The following SCAPER variants were observed in gnomAD, a reference collection of about 807,000 sequenced individuals.
SCAPER encodes the protein S-phase cyclin A associated protein in the ER.
SCAPER carries 98 observed loss-of-function variants against 182.2 expected under a neutral mutation model. The observed-to-expected ratio is 0.54, with a 90% confidence interval of 0.46 to 0.64. The LOEUF (loss-of-function observed/expected upper bound fraction) is 0.64. Among genes scored for constraint, SCAPER ranks in the 30% least tolerant of loss-of-function variants. The probability of loss-of-function intolerance (pLI) is 0.00; values close to 1 mark genes in which losing one functional copy is unlikely to be tolerated. For missense variants in SCAPER, 1,432 were observed against 1,690.0 expected, an observed-to-expected ratio of 0.85 and a Z score of 2.68; for synonymous variants, 605 against 564.6, an observed-to-expected ratio of 1.07 and a Z score of -1.01.
chr15:76,610,543 CA>C (rs1438462740), intron 22 of SCAPER, among the ~76,000 whole-genome samples: 1 of 151,944 alleles, frequency 6.6e-6, no homozygotes. Flanking sequence ...AAAGATTCTA[CA>C]AAAAAATCCT....
intron 17 of SCAPER, among the ~76,000 whole-genome samples, chr15:76,727,365 G>GCTTTGATAA (rs1325721141): frequency 6.6e-6 from 1 of 152,004 alleles, no homozygotes; most frequent in Admixed American, 6.6e-5. Flanking sequence ...TTATTATAAA[G>GCTTTGATAA]CTTTGATAAC....
chr15:76,386,180 C>T (rs1342832588), intron 27 of SCAPER, among the ~76,000 whole-genome samples: 2 of 152,216 alleles, frequency 1.3e-5, no homozygotes, highest in Non-Finnish European at 2.9e-5. Context: ...CTTGTAATTA[C>T]ATTGTGATTA....
chr15:76,727,591 A>C lies in SCAPER; in HGVS notation c.2165+1004T>G, dbSNP rs187617176. ...CTAAATACACAATAAAACCAATTGC[A>C]GATAGATAAAGACTATAAAAGATAA... On this transcript the variant is annotated intron_variant, in intron 17 of 31. Coordinates refer to ENST00000563290, the MANE Select transcript of SCAPER (RefSeq NM_020843.4). Among the ~76,000 whole-genome samples the C allele has an allele frequency of 4.5e-4, 68 of 152,274 alleles. No individual in the cohort carries two copies. In the East Asian group the frequency reaches 0.013, roughly 29 times the overall value.
At chr15:76,532,864 G>C (rs1382392480) in intron 23 of SCAPER, among the ~76,000 whole-genome samples, 1 of 152,128 alleles carries the variant, frequency 6.6e-6, no homozygotes, top group East Asian at 1.9e-4. Flanking sequence ...GAGAGTAACA[G>C]CAAGGGAGGG....
chr15:76,904,784 G>A (rs1044098384), intron 1 of SCAPER: 1 of 152,238 alleles, frequency 6.6e-6, no homozygotes, highest in South Asian at 2.1e-4. Context: ...CCCGTTTCCT[G>A]GGCAGAGCTA....
At chr15:76,704,119 A>T (rs2059115749) in intron 18 of SCAPER, among the ~76,000 whole-genome samples, 1 of 152,250 alleles carries the variant, frequency 6.6e-6, no homozygotes, top group Admixed American at 6.5e-5. Flanking sequence ...GAAGCAAATT[A>T]TAAGAAACAT....
In SCAPER at chr15:76,767,096, G is replaced by A. The variant is rs1409978636; in HGVS notation, c.1249-8C>T. The A allele has an allele frequency of 6.4e-7, 1 of 1,559,284 alleles. No homozygotes were observed. The highest frequency in any genetic ancestry group is 8.7e-7 in the Non-Finnish European group (1 of 1,155,222). On this transcript the variant is annotated splice_polypyrimidine_tract_variant and splice_region_variant and intron_variant, in intron 10 of 31. Coordinates refer to ENST00000563290, the MANE Select transcript of SCAPER (RefSeq NM_020843.4). ...AAGGACTTCTGCCATGGACTATAAA[G>A]TTAAAAACACATAAACAAAAAGAAA...
At chr15:76,851,145 T>G (rs770953333) in intron 4 of SCAPER, among the ~76,000 whole-genome samples, 1 of 151,176 alleles carries the variant, frequency 6.6e-6, no homozygotes, top group Non-Finnish European at 1.5e-5. Context: ...CTGACAAAAA[T>G]AAAGAAAAAG....
At chr15:76,860,987 C>T (rs1024658054) in intron 3 of SCAPER, among the ~76,000 whole-genome samples, 7 of 152,010 alleles carry the variant, frequency 4.6e-5, no homozygotes, top group Non-Finnish European at 1.0e-4. Context: ...CCATTAAATA[C>T]CATAAGAAGC....
At chr15:76,782,123 T>C (rs2064191762) in intron 8 of SCAPER, among the ~76,000 whole-genome samples, 1 of 152,086 alleles carries the variant, frequency 6.6e-6, no homozygotes, top group Admixed American at 6.5e-5. Context: ...CCCATCAGTG[T>C]GCTGTATGCA....
intron 5 of SCAPER, among the ~76,000 whole-genome samples, chr15:76,805,880 C>G (rs1385678151): frequency 6.6e-6 from 1 of 152,062 alleles, no homozygotes; most frequent in African/African-American, 2.4e-5. Flanking sequence ...ATTTGTATAT[C>G]TTAAAAGAAA....
intron 22 of SCAPER, among the ~76,000 whole-genome samples, chr15:76,609,882 T>C (rs2145920321): frequency 6.6e-6 from 1 of 152,302 alleles, no homozygotes; most frequent in African/African-American, 2.4e-5. Flanking sequence ...ACTTCTTTTT[T>C]TTTCCCCCTT....
At chr15:76,652,272 A>T (rs1295720764) in intron 21 of SCAPER, among the ~76,000 whole-genome samples, 2 of 15,770 alleles carry the variant, frequency 1.3e-4, no homozygotes, top group African/African-American at 5.1e-4. Context: ...AAAAAAAAAA[A>T]AATATATATA....
At chr15:76,713,514 C>T (rs1464267513) in intron 17 of SCAPER, among the ~76,000 whole-genome samples, 2 of 151,808 alleles carry the variant, frequency 1.3e-5, no homozygotes, top group Admixed American at 1.3e-4. Flanking sequence ...TCATTCTCAG[C>T]AAACTATCGC....
intron 7 of SCAPER, among the ~76,000 whole-genome samples, chr15:76,799,287 A>T (rs1598797202): frequency 7.1e-6 from 1 of 140,482 alleles, no homozygotes; most frequent in Non-Finnish European, 1.5e-5. Flanking sequence ...ATCTCCTGGA[A>T]TTTTTTTTTT....
chr15:76,884,829 T>A lies in SCAPER; in HGVS notation c.-59-953A>T, dbSNP rs1298046044. ...CACAATGAATAAAAGGACATAAAAA[T>A]GGATAGACCAAAAAAAAGGAAGAAA... On this transcript the variant is annotated intron_variant, in intron 1 of 31. Transcript: ENST00000563290. 3.3e-5 allele frequency among the ~76,000 whole-genome samples: 5 copies of A among 152,200 alleles called. No homozygotes were observed. In the East Asian group the frequency reaches 9.6e-4, roughly 29 times the overall value.
chr15:76,672,032 CAGCCCTTATGACTCTGGAAATG>C (rs1216407544), intron 20 of SCAPER, among the ~76,000 whole-genome samples: 1 of 152,094 alleles, frequency 6.6e-6, no homozygotes, highest in Non-Finnish European at 1.5e-5. Context: ...TAGTGGAGGG[CAGCCCTTATGACTCTGGAAATG>C]AGCCACCAGG....
At chr15:76,667,961 T>TAA (rs59632770) in intron 20 of SCAPER, among the ~76,000 whole-genome samples, 43 of 148,198 alleles carry the variant, frequency 2.9e-4, no homozygotes, top group East Asian at 7.9e-4. Context: ...AGACTGTCTT[T>TAA]AAAAAAAAAA....
chr15:76,807,696 A>G (rs1031815881), intron 5 of SCAPER, among the ~76,000 whole-genome samples: 4 of 101,926 alleles, frequency 3.9e-5, no homozygotes. Context: ...CCCCCACCCC[A>G]TAACAGTCCC....
Sources: allele counts gnomAD v4.1 joint callset (sites outside exome capture counted in the v4.1 genomes callset), GRCh38; gene constraint gnomAD v4.1.1; transcripts MANE v1.5; gene names NCBI Gene and HGNC (gene_info 2026-07-23, HGNC 2026-07-21).